Variants in ADGRB1 observed in about 807,000 individuals in gnomAD.
ADGRB1 encodes the protein brain-specific angiogenesis inhibitor 1.
Under a neutral mutation model 175.7 loss-of-function variants are expected in ADGRB1, and 36 were observed. The observed-to-expected ratio is 0.20, with a 90% CI of 0.16 to 0.27. The LOEUF (loss-of-function observed/expected upper bound fraction) is 0.27, where lower values mean the gene tolerates loss of function less well. Ranked by LOEUF, ADGRB1 falls within the 10% of genes least tolerant of loss-of-function variation. The probability of loss-of-function intolerance (pLI) is 1.00; values close to 1 mark genes in which losing one functional copy is unlikely to be tolerated. For synonymous variants in ADGRB1, 1,054 were observed against 979.4 expected, an observed-to-expected ratio of 1.08 and a Z score of -1.42; for missense variants, 1,731 against 2,255.3, an observed-to-expected ratio of 0.77 and a Z score of 4.71.
intron 1 of ADGRB1, among the ~76,000 whole-genome samples, chr8:142,453,152 G>C (rs1443161113): frequency 2.0e-5 from 3 of 151,940 alleles, no homozygotes; most frequent in Non-Finnish European, 4.4e-5. Context: ...TGTGCGGTGC[G>C]CTGGCGTGAG....
In ADGRB1 at chr8:142,537,995, C is replaced by CACCCTCT. The variant is rs1279935049; in HGVS notation, c.3666+915_3666+921dup. On this transcript the variant is annotated intron_variant, in intron 26 of 30. Coordinates refer to ENST00000517894, the MANE Select transcript of ADGRB1 (RefSeq NM_001702.3). This position sits in a 1 kb window ranked among gnomAD's most constrained non-coding sequence, Gnocchi z 4.6. Reference sequence around the variant, plus strand: ...CAGGGTGGAGCCAGGCCCCCTTCTCCACCCTCTAGGCCTCAGGACAGCATC... The same window carrying CACCCTCT: ...CAGGGTGGAGCCAGGCCCCCTTCTCCACCCTCTACCCTCTAGGCCTCAGGACAGCATC... 2.6e-5 allele frequency among the ~76,000 whole-genome samples: 4 copies of CACCCTCT among 152,220 alleles called. No homozygotes were observed. Among genetic ancestry groups the CACCCTCT allele is most frequent in the African/African-American group, 9.7e-5 (4 of 41,450 alleles).
Position 142,464,513 on chromosome 8 carries a change from C to T in ADGRB1, c.315C>T (p.Asp105=), listed in dbSNP as rs1052064910. 1.3e-6 allele frequency: 2 copies of T among 1,578,738 alleles called. No individual in the cohort carries two copies. Among genetic ancestry groups the T allele is most frequent in the South Asian group, 1.2e-5 (1 of 86,252 alleles). Residue 105 remains aspartate (D), a synonymous_variant, in exon 2 of 31, where the codon GAC becomes GAT. Transcript: ENST00000517894. ...GCCGCGTGCGCACCTACCAGTTCGACTCCTTCCTCGAGTCCACGCGCACCT... is the reference window on the plus strand; with the variant it reads ...GCCGCGTGCGCACCTACCAGTTCGATTCCTTCCTCGAGTCCACGCGCACCT... The part of the protein sequence containing the change: ...GPGRVRTYQF[D]SFLESTRTYL...
intron 1 of ADGRB1, 25 bp downstream of exon 1, chr8:142,450,129 TGGG>T (rs1278997977): frequency 5.5e-5 from 1 of 18,076 alleles, no homozygotes; most frequent in African/African-American, 2.3e-4. Flanking sequence ...GGCGGGGGGC[TGGG>T]GGCGCGGCGG....
intron 19 of ADGRB1, among the ~76,000 whole-genome samples, 158 bp from the exon 20 acceptor site, chr8:142,520,665 G>C (rs1843785384): frequency 6.6e-6 from 1 of 151,972 alleles, no homozygotes; most frequent in South Asian, 2.1e-4. Context: ...TGTAATGGTG[G>C]TGATGGTGGC....
chr8:142,471,757 G>A (rs1048473604), intron 2 of ADGRB1, among the ~76,000 whole-genome samples: 3 of 152,364 alleles, frequency 2.0e-5, no homozygotes, highest in East Asian at 1.9e-4. Flanking sequence ...GCTGGTGCCC[G>A]CCTCTGTGGC....
chr8:142,472,061 C>G (rs1400025026), intron 2 of ADGRB1, among the ~76,000 whole-genome samples: 1 of 152,180 alleles, frequency 6.6e-6, no homozygotes, highest in South Asian at 2.1e-4. Context: ...CGGTGCTGCC[C>G]GACCTGCTGG....
chr8:142,450,290 G>A lies in ADGRB1; in HGVS notation c.-220+186G>A, dbSNP rs1287258733. Among the ~76,000 whole-genome samples, 3 of 146,184 alleles carry A rather than the reference G, an allele frequency of 2.1e-5. No homozygotes were observed. The East Asian group carries it at 6.4e-4, about 31-fold the overall frequency. On this transcript the variant is annotated intron_variant, in intron 1 of 30. Coordinates refer to ENST00000517894, the MANE Select transcript of ADGRB1 (RefSeq NM_001702.3). ...CCACCCCCTACCCCCTCAGCCCCCTGCCTTCTCCAGCGGTGGCGATGGAAT... is the reference window on the plus strand; with the variant it reads ...CCACCCCCTACCCCCTCAGCCCCCTACCTTCTCCAGCGGTGGCGATGGAAT...
intron 1 of ADGRB1, among the ~76,000 whole-genome samples, 183 bp downstream of exon 1, chr8:142,450,287 C>T (rs1839261514): frequency 6.6e-6 from 1 of 152,026 alleles, no homozygotes; most frequent in Non-Finnish European, 1.5e-5. Context: ...CCCTCAGCCC[C>T]CTGCCTTCTC....
In ADGRB1 at chr8:142,493,405, G is replaced by A. The variant is rs62513270; in HGVS notation, c.2675+2590G>A. ...AGTCCCCAGGGTGTTTGGCGTCCGC[G>A]TGGCCTCTGTCGACCCTAAAAGTCA... On this transcript the variant is annotated intron_variant, in intron 17 of 30. Transcript: ENST00000517894. The surrounding 1 kb of genome is among the most constrained non-coding windows in gnomAD (Gnocchi z 5.0). Among the ~76,000 whole-genome samples, 315 of 152,246 alleles carry A rather than the reference G, an allele frequency of 2.1e-3. 3 individuals carry two copies. The highest frequency in any genetic ancestry group is 3.2e-3 in the Non-Finnish European group (217 of 68,008).
chr8:142,541,926 C>A lies in ADGRB1; in HGVS notation c.3707-15C>A. On this transcript the variant is annotated splice_polypyrimidine_tract_variant and intron_variant, in intron 27 of 30. Transcript: ENST00000517894. ...CCCACACCTGTCCCCGCTGTCTCCCCCGCGGCCCCTGCAGTGCTGAACAAG... is the reference window on the plus strand; with the variant it reads ...CCCACACCTGTCCCCGCTGTCTCCCACGCGGCCCCTGCAGTGCTGAACAAG... 1 of 1,533,376 alleles carries A rather than the reference C, an allele frequency of 6.5e-7. No homozygotes were observed. Among genetic ancestry groups the A allele is most frequent in the Admixed American group, 2.0e-5 (1 of 50,756 alleles). The allele number at this position is 1,533,376 out of a possible 1,614,324, so 95.0% of individuals were successfully genotyped here.
chr8:142,469,589 ATG>A (rs202096364), intron 2 of ADGRB1, among the ~76,000 whole-genome samples: 1,048 of 100,574 alleles, frequency 0.01, 12 homozygotes, highest in African/African-American at 0.037. Context: ...GCATGTGTGA[ATG>A]TGTGTGTGCA....
intron 1 of ADGRB1, among the ~76,000 whole-genome samples, chr8:142,452,172 G>T (rs544051711): frequency 6.6e-6 from 1 of 152,338 alleles, no homozygotes; most frequent in South Asian, 2.1e-4. Flanking sequence ...GCTCCTTGGC[G>T]CTGCTTTCAG....
intron 27 of ADGRB1, among the ~76,000 whole-genome samples, chr8:142,541,428 C>A (rs895605287): frequency 6.6e-6 from 1 of 152,102 alleles, no homozygotes; most frequent in South Asian, 2.1e-4. Flanking sequence ...GCCCCAGGGG[C>A]AGCGATGCAG....
intron 24 of ADGRB1, among the ~76,000 whole-genome samples, chr8:142,530,647 C>A (rs2132207184): frequency 6.6e-6 from 1 of 152,326 alleles, no homozygotes; most frequent in South Asian, 2.1e-4. Flanking sequence ...CACTGGCCTG[C>A]CAGGCCCCGG....
intron 18 of ADGRB1, among the ~76,000 whole-genome samples, chr8:142,516,606 AGGT>A (rs1843456832): frequency 8.0e-6 from 1 of 124,636 alleles, no homozygotes; most frequent in Non-Finnish European, 1.6e-5. Context: ...TGCAGGCCAC[AGGT>A]GTGTGTGTGT....
intron 17 of ADGRB1, among the ~76,000 whole-genome samples, chr8:142,491,687 C>T (rs1240474575): frequency 1.3e-5 from 2 of 152,208 alleles, no homozygotes; most frequent in Non-Finnish European, 2.9e-5. Context: ...CCTCCGGCTC[C>T]CTCAGCCCCA....
At position 142,522,697 on chromosome 8, in the gene ADGRB1, A is replaced by G; in HGVS notation, c.3232A>G (p.Ser1078Gly). The G allele has an allele frequency of 6.5e-7, 1 of 1,542,134 alleles. No individual in the cohort carries two copies. The highest frequency in any genetic ancestry group is 2.2e-5 in the Admixed American group (1 of 45,470). Residue 1078 changes from serine to glycine, a missense_variant, in exon 22 of 31, where the codon AGC becomes GGC. Physicochemically the swap from Ser to Gly is moderately conservative, Grantham distance 56 (BLOSUM62 0). Coordinates refer to ENST00000517894, the MANE Select transcript of ADGRB1 (RefSeq NM_001702.3). ...SVGFTKAKGY[S>G]TMNYCWLSLE... ...GGGATTCACCAAGGCCAAAGGGTACAGCACCATGAACTAGTGAGTCGGGGC... is the reference window on the plus strand; with the variant it reads ...GGGATTCACCAAGGCCAAAGGGTACGGCACCATGAACTAGTGAGTCGGGGC...
chr8:142,479,619 G>C, intron 8 of ADGRB1, 74 bp from the exon 9 acceptor site: 1 of 1,527,842 alleles, frequency 6.5e-7, no homozygotes, highest in Non-Finnish European at 8.8e-7. Context: ...TGCTCCAGGC[G>C]CCTTGCACCT....
At position 142,544,486 on chromosome 8, in the gene ADGRB1, C is replaced by T. The variant is rs1260361680; in HGVS notation, c.*69C>T. The T allele has an allele frequency of 1.6e-5, 22 of 1,405,772 alleles. No homozygotes were observed. Among genetic ancestry groups the T allele is most frequent in the Admixed American group, 3.1e-5 (1 of 32,036 alleles). The allele number at this position is 1,405,772 out of a possible 1,614,324, so 87.1% of individuals were successfully genotyped here. A position where few individuals can be genotyped will look rare whatever the true frequency, so the allele number is the denominator to read the frequency against. ...CTGCTCCGCCCGCTCCTGCCGCAGA[C>T]GGGCACAGACACGCTCGCGGGCAGC... On this transcript the variant is annotated 3_prime_UTR_variant, in exon 31 of 31. Coordinates refer to ENST00000517894, the MANE Select transcript of ADGRB1 (RefSeq NM_001702.3).
Sources: allele counts gnomAD v4.1 joint callset (sites outside exome capture counted in the v4.1 genomes callset), GRCh38; gene constraint gnomAD v4.1.1; non-coding constraint Gnocchi (gnomAD v3.1); transcripts MANE v1.5; gene names NCBI Gene and HGNC (gene_info 2026-07-23, HGNC 2026-07-21).